Variants in RBFOX1 observed in about 807,000 individuals in gnomAD.
The protein encoded by RBFOX1 is RNA binding protein fox-1 homolog 1.
RBFOX1 carries 8 observed loss-of-function variants against 57.7 expected under a neutral mutation model. The observed-to-expected ratio is 0.14, with a 90% CI of 0.08 to 0.25. The LOEUF is 0.25. Ranked by LOEUF, RBFOX1 falls within the 10% of genes least tolerant of loss-of-function variation. The pLI is 1.00. For synonymous variants in RBFOX1, 326 were observed against 222.4 expected, an observed-to-expected ratio of 1.47 and a Z score of -4.15; for missense variants, 611 against 548.5, an observed-to-expected ratio of 1.11 and a Z score of -1.14.
At chr16:6,089,324 A>G (rs1035272834) in intron 1 of RBFOX1, among the ~76,000 whole-genome samples, 2 of 152,120 alleles carry the variant, frequency 1.3e-5, no homozygotes, top group African/African-American at 4.8e-5. Flanking sequence ...ATGAACATGC[A>G]TTAGGAGACA....
chr16:6,432,073 T>C (rs1165253814), intron 2 of RBFOX1, among the ~76,000 whole-genome samples: 1 of 152,016 alleles, frequency 6.6e-6, no homozygotes, highest in Non-Finnish European at 1.5e-5. Flanking sequence ...CGGAACCTCC[T>C]GCCACAGCCT....
chr16:7,498,991 C>A (rs2069682483), intron 4 of RBFOX1, among the ~76,000 whole-genome samples: 1 of 152,150 alleles, frequency 6.6e-6, no homozygotes, highest in African/African-American at 2.4e-5. Flanking sequence ...ACCTCAAACT[C>A]CATGAAGTAG....
chr16:5,684,088 C>T (rs2050429235), intron 3 of RBFOX1, among the ~76,000 whole-genome samples: 2 of 152,118 alleles, frequency 1.3e-5, no homozygotes, highest in African/African-American at 2.4e-5. Context: ...TAGGTTTTCT[C>T]ACATAAAGTA....
At chr16:5,530,250 G>A (rs754066381) in intron 2 of RBFOX1, among the ~76,000 whole-genome samples, 5 of 152,246 alleles carry the variant, frequency 3.3e-5, no homozygotes, top group East Asian at 1.9e-4. Context: ...TGGTGAGGAC[G>A]GCTGCAACAC....
chr16:7,426,774 C>T (rs1308204476), intron 4 of RBFOX1, among the ~76,000 whole-genome samples: 1 of 152,096 alleles, frequency 6.6e-6, no homozygotes, highest in Non-Finnish European at 1.5e-5. Context: ...GGTCTGCAGA[C>T]AGGAGACTAC....
intron 14 of RBFOX1, among the ~76,000 whole-genome samples, chr16:7,695,247 A>T (rs1254862477): frequency 2.0e-5 from 3 of 152,200 alleles, no homozygotes; most frequent in Non-Finnish European, 4.4e-5. Flanking sequence ...ATGAAAAAGG[A>T]GACACCCATA....
At chr16:7,157,063 A>G (rs941778250) in intron 4 of RBFOX1, among the ~76,000 whole-genome samples, 69 of 152,288 alleles carry the variant, frequency 4.5e-4, no homozygotes, top group African/African-American at 1.6e-3. Context: ...TTCCCCTATT[A>G]TACTTGATTA....
intron 5 of RBFOX1, among the ~76,000 whole-genome samples, chr16:7,567,847 A>ATATATATCCATATATATACCTC (rs2092278059): frequency 7.0e-6 from 1 of 142,680 alleles, no homozygotes; most frequent in Admixed American, 7.2e-5. Flanking sequence ...ATATATACCT[A>ATATATATCCATATATATACCTC]TATATATCCA....
rs529247704 is a variant in RBFOX1, at chr16:7,113,887, C to T, written c.27+61789C>T. Among the ~76,000 whole-genome samples the T allele has an allele frequency of 1.9e-3, 287 of 152,242 alleles. 4 individuals are homozygous for T. The highest frequency in any genetic ancestry group is 3.4e-3 in the Non-Finnish European group (231 of 68,030). On this transcript the variant is annotated intron_variant, in intron 4 of 15. Coordinates refer to ENST00000550418, the MANE Select transcript of RBFOX1 (RefSeq NM_018723.4). ...ACAATGGCACTCTCGGGTCATGCAT[C>T]TCAGTGTGTGCATGGGTGATTTCTT...
At chr16:6,875,632 C>A (rs958816393) in intron 3 of RBFOX1, among the ~76,000 whole-genome samples, 1 of 152,208 alleles carries the variant, frequency 6.6e-6, no homozygotes, top group African/African-American at 2.4e-5. Context: ...TGATCCACAT[C>A]TGGATAAAAA....
chr16:7,616,071 C>T (rs2058389659), intron 10 of RBFOX1, among the ~76,000 whole-genome samples: 1 of 152,188 alleles, frequency 6.6e-6, no homozygotes, highest in Non-Finnish European at 1.5e-5. Context: ...AAGGGAAAAG[C>T]ATAAACTTTG....
chr16:6,943,123 C>T (rs11864260), intron 3 of RBFOX1, among the ~76,000 whole-genome samples: 9,094 of 152,234 alleles, frequency 0.06, 760 homozygotes, highest in African/African-American at 0.19. Flanking sequence ...GTATTCATTC[C>T]TTAGCTGCTG....
At chr16:6,353,152 C>T (rs2086690912) in intron 2 of RBFOX1, among the ~76,000 whole-genome samples, 1 of 151,978 alleles carries the variant, frequency 6.6e-6, no homozygotes, top group Admixed American at 6.6e-5. Flanking sequence ...AACCTGGGAG[C>T]CATAGTTCCA....
intron 4 of RBFOX1, among the ~76,000 whole-genome samples, chr16:5,887,588 G>C (rs536270650): frequency 6.6e-6 from 1 of 152,188 alleles, no homozygotes; most frequent in South Asian, 2.1e-4. Flanking sequence ...CTTTTAAGTA[G>C]AGATGAGGTT....
intron 3 of RBFOX1, among the ~76,000 whole-genome samples, chr16:6,894,065 C>T (rs1050684936): frequency 6.6e-6 from 1 of 152,088 alleles, no homozygotes; most frequent in African/African-American, 2.4e-5. Flanking sequence ...AATACTGGAT[C>T]AATAGATAGA....
intron 4 of RBFOX1, among the ~76,000 whole-genome samples, chr16:5,872,097 G>A (rs2057488800): frequency 1.3e-5 from 2 of 152,160 alleles, no homozygotes; most frequent in Non-Finnish European, 2.9e-5. Flanking sequence ...GGGTTGCAGA[G>A]CCCATTAAAA....
chr16:5,921,988 CA>C (rs59484014), intron 4 of RBFOX1, among the ~76,000 whole-genome samples: 33 of 144,512 alleles, frequency 2.3e-4, no homozygotes, highest in Admixed American at 7.7e-4. Flanking sequence ...GCCATCTTCA[CA>C]AAAAAAAAAC....
intron 4 of RBFOX1, among the ~76,000 whole-genome samples, chr16:7,194,574 T>C (rs1157433911): frequency 6.6e-6 from 1 of 152,166 alleles, no homozygotes; most frequent in Non-Finnish European, 1.5e-5. Context: ...AAACCATCTT[T>C]GAATCCATTC....
intron 3 of RBFOX1, among the ~76,000 whole-genome samples, chr16:6,815,415 C>G (rs562089486): frequency 6.6e-6 from 1 of 152,102 alleles, no homozygotes; most frequent in Admixed American, 6.5e-5. Flanking sequence ...TTTACCTAAC[C>G]CCTTTTCAAG....
Sources: gnomAD v4.1 joint callset for allele counts (sites outside exome capture counted in the v4.1 genomes callset) on GRCh38, gnomAD v4.1.1 for gene constraint, MANE v1.5 for transcripts, NCBI Gene and HGNC (gene_info 2026-07-23, HGNC 2026-07-21) for gene names.